The following TUBB8B variants were observed in gnomAD, a reference collection of about 807,000 sequenced individuals.
TUBB8B encodes the protein tubulin beta 8B, also known as HSA18p11 beta-tubulin 4Q pseudogene.
A neutral mutation model predicts 31.9 loss-of-function variants in TUBB8B; 26 were observed. That is an observed-to-expected ratio of 0.81 (90% confidence interval 0.60 to 1.13). The LOEUF (loss-of-function observed/expected upper bound fraction) is 1.13, where lower values mean the gene tolerates loss of function less well. Among genes scored for constraint, TUBB8B ranks in the 50% most tolerant of loss-of-function variants. The pLI is 0.00. For synonymous variants in TUBB8B, 173 were observed against 231.0 expected, an observed-to-expected ratio of 0.75 and a Z score of 2.28; for missense variants, 467 against 586.7, an observed-to-expected ratio of 0.80 and a Z score of 2.11.
At chr18:57,468 TC>T in the TUBB8B span, among the ~76,000 whole-genome samples, 8 of 151,878 alleles carry the variant, frequency 5.3e-5, no homozygotes, top group Non-Finnish European at 2.9e-5. Flanking sequence ...TGACTCTACG[TC>T]CCATTTCCAG....
At chr18:60,557 A>G in the TUBB8B span, among the ~76,000 whole-genome samples, 2 of 151,488 alleles carry the variant, frequency 1.3e-5, no homozygotes, top group African/African-American at 4.8e-5. Context: ...TAGGTTATTT[A>G]TTTGCAGCTT....
At chr18:54,335 T>C (rs1363865783), upstream of TUBB8B, among the ~76,000 whole-genome samples, 1 of 151,800 alleles carries the variant, frequency 6.6e-6, no homozygotes, top group African/African-American at 2.4e-5. Flanking sequence ...TAATACATAA[T>C]AAAAAACAGG....
At chr18:71,485 T>G in the TUBB8B span, among the ~76,000 whole-genome samples, 2 of 147,430 alleles carry the variant, frequency 1.4e-5, no homozygotes, top group African/African-American at 2.5e-5. Context: ...AGGCAGAGGT[T>G]GCAGCGAGCG....
At chr18:52,846 A>G (rs1039766964), upstream of TUBB8B, among the ~76,000 whole-genome samples, 1 of 151,876 alleles carries the variant, frequency 6.6e-6, no homozygotes, top group Non-Finnish European at 1.5e-5. Flanking sequence ...GCAGGAATGC[A>G]TTGTCTTTTG....
At chr18:52,198 A>T (rs1189271769), upstream of TUBB8B, among the ~76,000 whole-genome samples, 1 of 151,936 alleles carries the variant, frequency 6.6e-6, no homozygotes, top group Non-Finnish European at 1.5e-5. Context: ...GCTCTAAGAC[A>T]TCAAGGCTAA....
At chr18:52,441 G>C (rs545682170), upstream of TUBB8B, among the ~76,000 whole-genome samples, 1 of 150,786 alleles carries the variant, frequency 6.6e-6, no homozygotes, top group Admixed American at 6.6e-5. Flanking sequence ...TAACCCTGTG[G>C]GCTTGGCCTC....
At chr18:48,869 A>T in intron 3 of TUBB8B, 71 bp downstream of exon 3, 2 of 1,081,642 alleles carry the variant, frequency 1.8e-6, no homozygotes, top group Non-Finnish European at 2.9e-6. Flanking sequence ...CCACAGGATG[A>T]CCTTGGGCAC....
At chr18:54,758 A>T in the TUBB8B span, among the ~76,000 whole-genome samples, 1 of 151,894 alleles carries the variant, frequency 6.6e-6, no homozygotes, top group African/African-American at 2.4e-5. Context: ...TATGTACCAC[A>T]TTTTCTCTAT....
chr18:62,989 T>C, the TUBB8B span, among the ~76,000 whole-genome samples: 1 of 151,860 alleles, frequency 6.6e-6, no homozygotes, highest in African/African-American at 2.4e-5. Flanking sequence ...ATTCTTTTTA[T>C]TTCAATCTCG....
At chr18:61,268 T>G in the TUBB8B span, among the ~76,000 whole-genome samples, 880 of 151,742 alleles carry the variant, frequency 5.8e-3, 15 homozygotes, top group Non-Finnish European at 0.01. Context: ...GTAAAGCTAT[T>G]TCTGCTCTTT....
the TUBB8B span, among the ~76,000 whole-genome samples, chr18:68,372 A>T: frequency 6.6e-6 from 1 of 152,166 alleles, no homozygotes; most frequent in African/African-American, 2.4e-5. Flanking sequence ...CTACCTGACA[A>T]TCCAATCCAC....
the TUBB8B span, among the ~76,000 whole-genome samples, chr18:61,635 A>AC: frequency 0.19 from 27,759 of 147,430 alleles, 3,212 homozygotes; most frequent in African/African-American, 0.29. Flanking sequence ...ATTTAAAATT[A>AC]CCATGAGGCT....
the TUBB8B span, among the ~76,000 whole-genome samples, chr18:66,987 G>GTT: frequency 3.8e-4 from 50 of 133,236 alleles, no homozygotes; most frequent in African/African-American, 1.3e-3. Flanking sequence ...TTATTTTCTT[G>GTT]TTTTTTTTGT....
the TUBB8B span, among the ~76,000 whole-genome samples, chr18:63,944 C>A: frequency 6.7e-6 from 1 of 150,174 alleles, no homozygotes; most frequent in Non-Finnish European, 1.5e-5. Context: ...AGCCTTAACC[C>A]TTACCCTAAC....
rs775578263 is a variant in TUBB8B at position 49,184 on chromosome 18, G to A, written c.111C>T (p.His37=). 3.5e-5 allele frequency: 54 copies of A among 1,541,954 alleles called. No homozygotes were observed. Among genetic ancestry groups the A allele is most frequent in the African/African-American group, 1.7e-4 (12 of 72,672 alleles). The part of the protein sequence containing the change: ...EHAIDSAGTY[H]GDSHLQLERI... ...GCTCCAGCTGCAGGTGGCTGTCCCC[G>A]TGGTAGGTGCCAGCGGAGTCGATGG... Residue 37 remains histidine (H), a synonymous_variant, in exon 2 of 4, where the codon CAC becomes CAT. Transcript: ENST00000308911.
the TUBB8B span, among the ~76,000 whole-genome samples, chr18:62,742 TC>T: frequency 2.5e-3 from 387 of 151,976 alleles, 4 homozygotes; most frequent in African/African-American, 9.0e-3. Flanking sequence ...AGCTCTTATC[TC>T]TTTTTCTACC....
At chr18:65,557 G>A in the TUBB8B span, among the ~76,000 whole-genome samples, 7 of 151,988 alleles carry the variant, frequency 4.6e-5, no homozygotes, top group African/African-American at 1.7e-4. Context: ...AACAAACCAG[G>A]GATAGGAATT....
At chr18:53,704 A>G (rs1430976216), upstream of TUBB8B, among the ~76,000 whole-genome samples, 2 of 151,864 alleles carry the variant, frequency 1.3e-5, no homozygotes, top group Admixed American at 1.3e-4. Context: ...CCTGACAACA[A>G]GTGATCTGCC....
At chr18:55,756 T>C in the TUBB8B span, among the ~76,000 whole-genome samples, 1 of 151,822 alleles carries the variant, frequency 6.6e-6, no homozygotes, top group African/African-American at 2.4e-5. Context: ...AGATGGGTAA[T>C]TTACAAATAT....
Sources: allele counts gnomAD v4.1 joint callset (sites outside exome capture counted in the v4.1 genomes callset), GRCh38; gene constraint gnomAD v4.1.1; transcripts MANE v1.5; gene names NCBI Gene and HGNC (gene_info 2026-07-23, HGNC 2026-07-21).